FOSL2: variants seen among roughly 807,000 people sequenced by gnomAD.
FOSL2 encodes fos-related antigen 2.
A neutral mutation model predicts 27.7 loss-of-function variants in FOSL2; 3 were observed. The ratio of observed to expected loss-of-function variants is 0.11; its 90% CI spans 0.05 to 0.28. FOSL2 has a LOEUF of 0.28. Among genes scored for constraint, FOSL2 ranks in the 10% least tolerant of loss-of-function variants. The probability of loss-of-function intolerance (pLI) is 1.00; values close to 1 mark genes in which losing one functional copy is unlikely to be tolerated. For missense variants in FOSL2, 333 were observed against 445.1 expected (o/e 0.75, Z 2.27); for synonymous variants, 179 against 190.1 (o/e 0.94, Z 0.48).
In FOSL2 at chr2:28,412,203, A is replaced by C. The variant is rs778892052; in HGVS notation, c.736A>C (p.Ile246Leu). The C allele has an allele frequency of 1.2e-6, 2 of 1,613,138 alleles. No homozygotes were observed. Among genetic ancestry groups the C allele is most frequent in the Non-Finnish European group, 1.7e-6 (2 of 1,179,746 alleles). Residue 246 changes from isoleucine to leucine, a missense_variant, in exon 4 of 4, where the codon ATC becomes CTC. Ile to Leu is a conservative substitution (Grantham distance 5, BLOSUM62 2). Around this residue, in one of 4 missense-constraint regions of FOSL2, gnomAD observed 136 missense variants for 123.7 expected, o/e 1.10. Transcript: ENST00000264716. This position sits in a 1 kb window ranked among gnomAD's most constrained non-coding sequence, Gnocchi z 7.1. ...AGLDKAQRSV[I>L]KPISIAGGFY... ...GCTGGACAAGGCCCAGCGCTCTGTC[A>C]TCAAGCCCATCAGCATTGCTGGGGG...
chr2:28,400,915 T>C (rs777502365), intron 1 of FOSL2, among the ~76,000 whole-genome samples: 6 of 152,202 alleles, frequency 3.9e-5, no homozygotes, highest in Admixed American at 3.3e-4. Context: ...GGAGCACTTT[T>C]ATTTGTTGGA....
chr2:28,399,908 C>T (rs557446967), intron 1 of FOSL2, among the ~76,000 whole-genome samples: 7 of 152,258 alleles, frequency 4.6e-5, no homozygotes, highest in East Asian at 1.9e-4. Flanking sequence ...CAGCCAAGAC[C>T]GTATAGCCCA....
At chr2:28,396,805 C>CACACAA (rs1663848254) in intron 1 of FOSL2, 1 of 149,010 alleles carries the variant, frequency 6.7e-6, no homozygotes, top group African/African-American at 2.5e-5. Flanking sequence ...CACACACACA[C>CACACAA]ACACACACAC....
rs532740999 is a variant in FOSL2, at chr2:28,393,514, C to G, written c.-207C>G. ...GCGCTCGCAGAGCCGGAAAGAAGTG[C>G]TGTAAGGGACGCTCGGGGGACGCTG... On this transcript the variant is annotated 5_prime_UTR_variant, in exon 1 of 4. Coordinates refer to ENST00000264716, the MANE Select transcript of FOSL2 (RefSeq NM_005253.4). The surrounding 1 kb of genome is among the most constrained non-coding windows in gnomAD (Gnocchi z 4.6). 1.8e-6 allele frequency: 1 copy of G among 542,520 alleles called. No individual in the cohort carries two copies. The highest frequency in any genetic ancestry group is 2.1e-5 in the African/African-American group (1 of 48,584). 33.6% of individuals were successfully genotyped at this position (542,520 alleles called of 1,614,324 possible).
chr2:28,410,638 A>G (rs1334235682), intron 3 of FOSL2: 1 of 602,706 alleles, frequency 1.7e-6, no homozygotes, highest in East Asian at 1.4e-4. Context: ...GGCTGGTGAC[A>G]CACACCTCTT....
intron 1 of FOSL2, among the ~76,000 whole-genome samples, chr2:28,397,581 G>A (rs1217542825): frequency 2.6e-5 from 4 of 152,304 alleles, no homozygotes; most frequent in East Asian, 1.9e-4. Context: ...TATCCAAAAC[G>A]CTGAGTGCAT....
chr2:28,396,102 G>A (rs921039292), intron 1 of FOSL2, among the ~76,000 whole-genome samples: 2 of 152,120 alleles, frequency 1.3e-5, no homozygotes, highest in African/African-American at 4.8e-5. Context: ...TCAGTGGACC[G>A]ATCCATATGA....
chr2:28,413,698 C>T lies in FOSL2; in HGVS notation c.*1250C>T, dbSNP rs1203365974. The T allele has an allele frequency of 2.5e-6, 1 of 399,080 alleles. No homozygotes were observed. Among genetic ancestry groups the T allele is most frequent in the Admixed American group, 4.4e-5 (1 of 22,730 alleles). The allele number at this position is 399,080 out of a possible 1,614,324, so 24.7% of individuals were successfully genotyped here. A position where few individuals can be genotyped will look rare whatever the true frequency, so the allele number is the denominator to read the frequency against. On this transcript the variant is annotated 3_prime_UTR_variant, in exon 4 of 4. Transcript: ENST00000264716. ...CCGGGCCTTTCCTGCCCTCTGTGGTCATCTGCCACCTGCTGGATCAAGTGC... is the reference window on the plus strand; with the variant it reads ...CCGGGCCTTTCCTGCCCTCTGTGGTTATCTGCCACCTGCTGGATCAAGTGC...
chr2:28,400,388 C>T (rs1663944674), intron 1 of FOSL2, among the ~76,000 whole-genome samples: 1 of 152,196 alleles, frequency 6.6e-6, no homozygotes, highest in African/African-American at 2.4e-5. Flanking sequence ...ACCACAAACT[C>T]CTAACTTCAC....
intron 3 of FOSL2, 179 bp from the exon 4 acceptor site, chr2:28,411,751 G>A: frequency 1.6e-6 from 1 of 644,636 alleles, no homozygotes; most frequent in East Asian, 2.7e-5. Flanking sequence ...TTCCTTCTTT[G>A]GAAATGAAAG....
chr2:28,412,263 G>A lies in FOSL2; in HGVS notation c.796G>A (p.Val266Met), dbSNP rs753630093. The change falls in exon 4 of 4, where the codon GTG (valine) becomes ATG (methionine). Residue 266 changes from valine to methionine, a missense_variant. Physicochemically the swap from Val to Met is conservative, Grantham distance 21 (BLOSUM62 1). This residue lies in a region of FOSL2 where 136 missense variants were observed against 123.7 expected (regional missense o/e 1.10). Transcript: ENST00000264716. The surrounding 1 kb of genome is among the most constrained non-coding windows in gnomAD (Gnocchi z 7.1). ...TGAGGAGCCCCTGCACACCCCCATC[G>A]TGGTGACCTCCACACCTGCTGTCAC... is the stretch of plus-strand genomic sequence containing the variant. ...YGEEPLHTPI[V>M]VTSTPAVTPG... 11 of 1,613,926 alleles carry A rather than the reference G, an allele frequency of 6.8e-6. No individual in the cohort carries two copies. In the South Asian group the frequency reaches 7.7e-5, roughly 11 times the overall value.
In FOSL2 at chr2:28,393,661, C is replaced by G; in HGVS notation, c.-60C>G. On this transcript the variant is annotated 5_prime_UTR_variant, in exon 1 of 4. Transcript: ENST00000264716. The surrounding 1 kb of genome is among the most constrained non-coding windows in gnomAD (Gnocchi z 4.6). The stretch of plus-strand genomic sequence containing the variant: ...CGAGCGCGCAGCAGCCGGTGCGCGG[C>G]CGCGGCGAGGGCGGGGGAAGAAAAA... 1 of 1,311,532 alleles carries G rather than the reference C, an allele frequency of 7.6e-7. No homozygotes were observed. The highest frequency in any genetic ancestry group is 1.1e-6 in the Non-Finnish European group (1 of 938,566). The allele number at this position is 1,311,532 out of a possible 1,614,324, so 81.2% of individuals were successfully genotyped here. A position where few individuals can be genotyped will look rare whatever the true frequency, so the allele number is the denominator to read the frequency against.
chr2:28,406,648 G>A (rs1025011559), intron 2 of FOSL2, among the ~76,000 whole-genome samples: 2 of 152,152 alleles, frequency 1.3e-5, no homozygotes, highest in African/African-American at 4.8e-5. Context: ...TTTTTGAGAG[G>A]GAGGGAGAGA....
rs974763483 is a variant in FOSL2 at position 28,414,162 on chromosome 2, T to C, written c.*1714T>C. ...GCTCTAGAGGTCACAGTATCCTCGTTTGAAAGATAATTAAGATCCCCCGTG... is the reference window on the plus strand; with the variant it reads ...GCTCTAGAGGTCACAGTATCCTCGTCTGAAAGATAATTAAGATCCCCCGTG... On this transcript the variant is annotated 3_prime_UTR_variant, in exon 4 of 4. Transcript: ENST00000264716. 2.0e-5 allele frequency: 5 copies of C among 254,910 alleles called. No individual in the cohort carries two copies. Among genetic ancestry groups the C allele is most frequent in the Non-Finnish European group, 3.7e-5 (5 of 134,674 alleles). The allele number at this position is 254,910 out of a possible 1,614,324, so 15.8% of individuals were successfully genotyped here. A position where few individuals can be genotyped will look rare whatever the true frequency, so the allele number is the denominator to read the frequency against.
At chr2:28,394,056 C>T (rs551486506) in intron 1 of FOSL2, among the ~76,000 whole-genome samples, 1 of 150,452 alleles carries the variant, frequency 6.6e-6, no homozygotes, top group African/African-American at 2.5e-5. Flanking sequence ...ATATTTTACC[C>T]AGATAGACTC....
At position 28,404,468 on chromosome 2, in the gene FOSL2, A is replaced by T. The variant is rs570465504; in HGVS notation, c.354+110A>T. 7 of 1,364,022 alleles carry T rather than the reference A, an allele frequency of 5.1e-6. No homozygotes were observed. The East Asian group carries it at 1.6e-4, about 32-fold the overall frequency. The allele number at this position is 1,364,022 out of a possible 1,614,324, so 84.5% of individuals were successfully genotyped here. The stretch of plus-strand genomic sequence containing the variant: ...GGTTAATGTTCTGAGAGCAGGGGAG[A>T]CAAGGGAGCTAGGGGTCGAAGAGCA... On this transcript the variant is annotated intron_variant, in intron 2 of 3. Transcript: ENST00000264716. The surrounding 1 kb of genome is among the most constrained non-coding windows in gnomAD (Gnocchi z 4.7).
At chr2:28,402,654 G>A (rs1020542309) in intron 1 of FOSL2, among the ~76,000 whole-genome samples, 30 of 152,204 alleles carry the variant, frequency 2.0e-4, no homozygotes, top group African/African-American at 6.5e-4. Context: ...TTTGTGAGAG[G>A]GGAGGTCTAT....
In FOSL2 at chr2:28,404,338, C is replaced by T. The variant is rs1171301931; in HGVS notation, c.334C>T (p.Arg112Cys). Residue 112 changes from arginine to cysteine, a missense_variant, in exon 2 of 4, where the codon CGC becomes TGC. Transcript: ENST00000264716. The surrounding 1 kb of genome is among the most constrained non-coding windows in gnomAD (Gnocchi z 4.7). ...CAAGACCATTGGCACCACCGTGGGC[C>T]GCAGGAGGAGAGATGAGCAGGTACA... The part of the protein sequence containing the change: ...VIKTIGTTVG[R>C]RRRDEQLSPE... 9.9e-6 allele frequency: 16 copies of T among 1,613,986 alleles called. No homozygotes were observed. The highest frequency in any genetic ancestry group is 3.3e-5 in the Admixed American group (2 of 59,996).
chr2:28,403,712 G>A (rs894714802), intron 1 of FOSL2, among the ~76,000 whole-genome samples: 1 of 152,154 alleles, frequency 6.6e-6, no homozygotes, highest in African/African-American at 2.4e-5. Flanking sequence ...GTTGGCAGGC[G>A]ACTCAGAGGC....
Sources: gnomAD v4.1 joint callset for allele counts (sites outside exome capture counted in the v4.1 genomes callset) on GRCh38, gnomAD v4.1.1 for gene constraint, gnomAD v4.1.1 regional missense constraint, Gnocchi (gnomAD v3.1) non-coding constraint, MANE v1.5 for transcripts, NCBI Gene and HGNC (gene_info 2026-07-23, HGNC 2026-07-21) for gene names.